The following TMEM131L variants were observed in gnomAD, a reference collection of about 807,000 sequenced individuals.
TMEM131L encodes transmembrane 131 like.
TMEM131L carries 54 observed loss-of-function variants against 192.2 expected under a neutral mutation model. The observed-to-expected ratio is 0.28, with a 90% confidence interval of 0.23 to 0.35. The LOEUF is 0.35. TMEM131L is among the 10% of genes least tolerant of loss of function. The pLI, the probability that TMEM131L is intolerant of heterozygous loss-of-function variation, is 1.00. For missense variants in TMEM131L, 1,888 were observed against 1,972.9 expected (o/e 0.96, Z 0.82); for synonymous variants, 701 against 704.9 (o/e 0.99, Z 0.09).
At chr4:153,611,794 A>G (rs1042443774) in intron 25 of TMEM131L, among the ~76,000 whole-genome samples, 1 of 152,210 alleles carries the variant, frequency 6.6e-6, no homozygotes, top group African/African-American at 2.4e-5. Context: ...ATGTTGTAGC[A>G]TGTGCCAGAC....
intron 16 of TMEM131L, 77 bp from the exon 17 acceptor site, chr4:153,590,976 A>C: frequency 5.8e-6 from 6 of 1,028,858 alleles, no homozygotes; most frequent in Non-Finnish European, 7.8e-6. Context: ...TGATTTCCCT[A>C]AATAACAAAA....
intron 3 of TMEM131L, among the ~76,000 whole-genome samples, chr4:153,516,512 G>T (rs1734743653): frequency 6.6e-6 from 1 of 152,172 alleles, no homozygotes; most frequent in Admixed American, 6.5e-5. Flanking sequence ...TTACAGATGT[G>T]AGCCACTGTG....
rs762137992 is a variant in TMEM131L at position 153,612,306 on chromosome 4, A to G, written c.3473A>G (p.Lys1158Arg). ...GAAGTAGATCATTGTGAAAATTTGA[A>G]GAAGGTGGACACAAAGCCTTCTTCA... ...KNEVDHCENL[K>R]KVDTKPSSEK... The change falls in exon 26 of 35, where the codon AAG becomes AGG. Residue 1158 changes from lysine to arginine, a missense_variant. Lys to Arg is a conservative substitution (Grantham distance 26). Transcript: ENST00000409959. 6.3e-7 allele frequency: 1 copy of G among 1,593,012 alleles called. No homozygotes were observed. Among genetic ancestry groups the G allele is most frequent in the Non-Finnish European group, 8.5e-7 (1 of 1,173,106 alleles).
In TMEM131L at chr4:153,604,124, G is replaced by T. The variant is rs764018412; in HGVS notation, c.3112G>T (p.Gly1038Cys). ...CTGGATCAGCCTCAGATATGCAAGT[G>T]GCATAAATGTCAACCTGCAGAAGAA... is the stretch of plus-strand genomic sequence containing the variant. The part of the protein sequence containing the change: ...ENWISLRYAS[G>C]INVNLQKNLT... Residue 1038 changes from glycine to cysteine, a missense_variant, in exon 25 of 35, where the codon GGC (glycine) becomes TGC (cysteine). By Grantham distance (159) the Gly-to-Cys change is radical. Transcript: ENST00000409959. 6.2e-7 allele frequency: 1 copy of T among 1,614,094 alleles called. No individual in the cohort carries two copies. Among genetic ancestry groups the T allele is most frequent in the Admixed American group, 1.7e-5 (1 of 60,016 alleles).
Position 153,589,024 on chromosome 4 carries a change from TTC to T in TMEM131L, c.1670+19_1670+20del. On this transcript the variant is annotated intron_variant, in intron 16 of 34. Transcript: ENST00000409959. ...CGTCTGCAAGTACGTCTCCACTGTC[TTC>T]TTTTTTGTTCGGTGGTGGGGAGACA... 1.5e-6 allele frequency: 2 copies of T among 1,319,958 alleles called. No homozygotes were observed. Among genetic ancestry groups the T allele is most frequent in the African/African-American group, 2.9e-5 (2 of 69,310 alleles). The allele number at this position is 1,319,958 out of a possible 1,614,324, so 81.8% of individuals were successfully genotyped here.
chr4:153,587,621 C>T (rs1730783911), intron 14 of TMEM131L, 121 bp from the exon 15 acceptor site: 1 of 749,584 alleles, frequency 1.3e-6, no homozygotes, highest in Non-Finnish European at 2.4e-6. Flanking sequence ...TAATTTTTGG[C>T]TCGTGGTTAA....
chr4:153,472,714 C>T (rs1016350110), intron 2 of TMEM131L, among the ~76,000 whole-genome samples: 3 of 152,090 alleles, frequency 2.0e-5, no homozygotes, highest in African/African-American at 4.8e-5. Context: ...TCAAAGTGTA[C>T]CACTCTGAAA....
intron 3 of TMEM131L, among the ~76,000 whole-genome samples, chr4:153,535,908 C>T (rs1283302392): frequency 6.6e-6 from 1 of 151,998 alleles, no homozygotes; most frequent in Non-Finnish European, 1.5e-5. Flanking sequence ...TTACTTGTCA[C>T]GGCAACGGCA....
chr4:153,620,859 G>A lies in TMEM131L; in HGVS notation c.3671G>A (p.Arg1224Lys), dbSNP rs757639681. 5 of 1,598,258 alleles carry A rather than the reference G, an allele frequency of 3.1e-6. No individual in the cohort carries two copies. Among genetic ancestry groups the A allele is most frequent in the Non-Finnish European group, 4.3e-6 (5 of 1,174,650 alleles). Residue 1224 changes from arginine (R) to lysine (K), a missense_variant, in exon 27 of 35, where the codon AGG becomes AAG. Transcript: ENST00000409959. ...KSRTCRKNKK[R>K]GVAPVSRPPE... ...CGAACATGTAGAAAGAACAAGAAAAGGGGTGTTGCTCCAGTCTCAAGGTGC... is the reference window on the plus strand; with the variant it reads ...CGAACATGTAGAAAGAACAAGAAAAAGGGTGTTGCTCCAGTCTCAAGGTGC...
chr4:153,630,703 C>T (rs182522803), intron 31 of TMEM131L, among the ~76,000 whole-genome samples: 1 of 152,266 alleles, frequency 6.6e-6, no homozygotes, highest in African/African-American at 2.4e-5. Context: ...ATAGGATGTG[C>T]GTGAACCAGT....
At chr4:153,471,459 A>G (rs1353297858) in intron 2 of TMEM131L, among the ~76,000 whole-genome samples, 1 of 152,176 alleles carries the variant, frequency 6.6e-6, no homozygotes, top group East Asian at 1.9e-4. Context: ...GGCAGTTGTC[A>G]GTGTCTTGCC....
At chr4:153,558,153 G>A in intron 6 of TMEM131L, 105 bp from the exon 7 acceptor site, 1 of 572,306 alleles carries the variant, frequency 1.7e-6, no homozygotes, top group Admixed American at 2.6e-5. Flanking sequence ...AGTCTTGAAG[G>A]CCATGCTGAT....
intron 7 of TMEM131L, among the ~76,000 whole-genome samples, chr4:153,574,335 T>G (rs1386524339): frequency 1.3e-5 from 2 of 152,122 alleles, no homozygotes; most frequent in South Asian, 4.1e-4. Context: ...TGGTGGGGGT[T>G]GAAACACAAT....
At chr4:153,576,290 G>A (rs1227578843) in intron 7 of TMEM131L, among the ~76,000 whole-genome samples, 1 of 152,130 alleles carries the variant, frequency 6.6e-6, no homozygotes, top group Non-Finnish European at 1.5e-5. Context: ...GAAAGATATG[G>A]ACTTGAAACT....
chr4:153,623,144 C>T (rs1434340461), intron 29 of TMEM131L, 61 bp downstream of exon 29: 3 of 1,424,576 alleles, frequency 2.1e-6, no homozygotes, highest in African/African-American at 1.4e-5. Context: ...CTCCCACGTA[C>T]CCAGTCCACA....
chr4:153,540,663 T>C (rs1050547713), intron 3 of TMEM131L, among the ~76,000 whole-genome samples: 9 of 152,380 alleles, frequency 5.9e-5, no homozygotes, highest in African/African-American at 2.2e-4. Flanking sequence ...GCCTTTACAG[T>C]ATGAATAAGT....
chr4:153,613,355 A>ATAG (rs1732765495), intron 26 of TMEM131L, among the ~76,000 whole-genome samples: 1 of 152,220 alleles, frequency 6.6e-6, no homozygotes, highest in Non-Finnish European at 1.5e-5. Context: ...CCAAGTAAAA[A>ATAG]TAGTAATATA....
At chr4:153,501,055 C>T (rs937711998) in intron 3 of TMEM131L, among the ~76,000 whole-genome samples, 6 of 152,164 alleles carry the variant, frequency 3.9e-5, no homozygotes, top group Non-Finnish European at 7.4e-5. Flanking sequence ...GGAAGATTAA[C>T]AGGGTACGCC....
At chr4:153,531,235 T>C (rs1174183697) in intron 3 of TMEM131L, among the ~76,000 whole-genome samples, 1 of 152,218 alleles carries the variant, frequency 6.6e-6, no homozygotes, top group Non-Finnish European at 1.5e-5. Flanking sequence ...TCCCTAGAAA[T>C]TCTGATACGG....
Sources: allele counts gnomAD v4.1 joint callset (sites outside exome capture counted in the v4.1 genomes callset), GRCh38; gene constraint gnomAD v4.1.1; transcripts MANE v1.5; gene names NCBI Gene and HGNC (gene_info 2026-07-23, HGNC 2026-07-21).